The following CDC25C variants were observed in gnomAD, a reference collection of about 807,000 sequenced individuals.
The protein encoded by CDC25C is cell division cycle 25C.
Under a neutral mutation model 52.5 loss-of-function variants are expected in CDC25C, and 48 were observed. That is an observed-to-expected ratio of 0.91 (90% CI 0.72 to 1.16). The LOEUF (loss-of-function observed/expected upper bound fraction) is 1.16. Among genes scored for constraint, CDC25C ranks in the 50% most tolerant of loss-of-function variants. CDC25C has a pLI of 0.00. For synonymous variants in CDC25C, 187 were observed against 206.5 expected, an observed-to-expected ratio of 0.91 and a Z score of 0.81; for missense variants, 510 against 566.1, an observed-to-expected ratio of 0.90 and a Z score of 1.01.
chr5:138,329,859 T>C (rs539457493), intron 2 of CDC25C, among the ~76,000 whole-genome samples: 1 of 149,226 alleles, frequency 6.7e-6, no homozygotes, highest in East Asian at 2.1e-4. Flanking sequence ...GCCTCCCAAA[T>C]AGCTGGGATC....
intron 7 of CDC25C, among the ~76,000 whole-genome samples, chr5:138,302,945 T>A (rs1241593190): frequency 6.6e-6 from 1 of 150,920 alleles, no homozygotes; most frequent in South Asian, 2.1e-4. Flanking sequence ...TGTGTTTGCC[T>A]GTAGTCCCAG....
chr5:138,317,638 G>T (rs1758981321), intron 7 of CDC25C, among the ~76,000 whole-genome samples: 1 of 128,742 alleles, frequency 7.8e-6, no homozygotes, highest in South Asian at 2.7e-4. Context: ...CTTTAATTGT[G>T]CCACGTACCC....
rs888224813 is a variant in CDC25C at position 138,304,501 on chromosome 5, C to CT, written c.616-12386dup. Among the ~76,000 whole-genome samples, 327 of 142,640 alleles carry CT rather than the reference C, an allele frequency of 2.3e-3. 1 individual carries two copies. The highest frequency in any genetic ancestry group is 7.1e-3 in the Middle Eastern group (2 of 280). The allele number at this position is 142,640 out of a possible 152,430, so 93.6% of individuals were successfully genotyped here. A position where few individuals can be genotyped will look rare whatever the true frequency, so the allele number is the denominator to read the frequency against. On this transcript the variant is annotated intron_variant, in intron 7 of 13. Transcript: ENST00000323760. ...CTCCTACTCTTACCTGCTTCCAACT[C>CT]TTTTTTTTTTTTTCTCCTTTTTGAG...
rs1348466498 is a variant in CDC25C at position 138,331,126 on chromosome 5, GTCC to G, written c.52_54del (p.Gly18del). The G allele has an allele frequency of 4.3e-6, 7 of 1,613,918 alleles. No individual in the cohort carries two copies. The highest frequency in any genetic ancestry group is 5.9e-6 in the Non-Finnish European group (7 of 1,179,774). Reference sequence around the variant, plus strand: ...TTCCTTTGATTAGACCTAAAACTGGGTCCTGAGCCAGAGCTTCCTTCCTCTCTT... The same window carrying G: ...TTCCTTTGATTAGACCTAAAACTGGGTGAGCCAGAGCTTCCTTCCTCTCTT... On this transcript the variant is annotated inframe_deletion, in exon 2 of 14. Transcript: ENST00000323760.
intron 2 of CDC25C, 79 bp from the exon 3 acceptor site, chr5:138,329,726 CTTTTTT>C (rs71574413): frequency 2.4e-3 from 705 of 292,882 alleles, no homozygotes; most frequent in South Asian, 3.0e-3. Flanking sequence ...TCATCCTCTT[CTTTTTT>C]TTTTTTTTTT....
chr5:138,297,101 C>T (rs1440584552), intron 7 of CDC25C, among the ~76,000 whole-genome samples: 5 of 150,898 alleles, frequency 3.3e-5, no homozygotes, highest in African/African-American at 4.9e-5. Flanking sequence ...TTAGTAGAGA[C>T]GGGGTTTCAC....
In CDC25C at chr5:138,311,196, C is replaced by T. The variant is rs150366113; in HGVS notation, c.615+8023G>A. Among the ~76,000 whole-genome samples the T allele has an allele frequency of 8.5e-5, 13 of 152,242 alleles. No individual in the cohort carries two copies. In the East Asian group the frequency reaches 2.3e-3, roughly 27 times the overall value. ...TAGCCAACACTGCTTTGTTCTTTGT[C>T]CCAAAGAGCAAAGTTAAAGCCTTCT... is the stretch of plus-strand genomic sequence containing the variant. On this transcript the variant is annotated intron_variant, in intron 7 of 13. Coordinates refer to ENST00000323760, the MANE Select transcript of CDC25C (RefSeq NM_001790.5).
intron 4 of CDC25C, among the ~76,000 whole-genome samples, chr5:138,326,343 T>C (rs111778310): frequency 2.4e-4 from 37 of 152,192 alleles, no homozygotes; most frequent in African/African-American, 7.7e-4. Context: ...GCACAGTGTA[T>C]TGGGGCTAAT....
chr5:138,329,482 T>C (rs1760162045), intron 3 of CDC25C, 71 bp downstream of exon 3: 1 of 992,308 alleles, frequency 1.0e-6, no homozygotes, highest in Non-Finnish European at 1.6e-6. Context: ...CTTCCGTCTC[T>C]ATCCTCCTTC....
At chr5:138,300,677 AGAG>A (rs1757566327) in intron 7 of CDC25C, among the ~76,000 whole-genome samples, 1 of 152,238 alleles carries the variant, frequency 6.6e-6, no homozygotes, top group South Asian at 2.1e-4. Context: ...ACTCAAGAAT[AGAG>A]ACTATACATT....
chr5:138,291,935 A>C, intron 8 of CDC25C, 35 bp downstream of exon 8: 1 of 1,575,904 alleles, frequency 6.3e-7, no homozygotes, highest in Non-Finnish European at 8.7e-7. Context: ...ATGAGATAGA[A>C]GATGAACAAG....
chr5:138,331,619 C>A lies in CDC25C; in HGVS notation c.-63G>T. 1 of 1,010,624 alleles carries A rather than the reference C, an allele frequency of 9.9e-7. No individual in the cohort carries two copies. Among genetic ancestry groups the A allele is most frequent in the Non-Finnish European group, 1.2e-6 (1 of 844,044 alleles). 62.6% of individuals were successfully genotyped at this position (1,010,624 alleles called of 1,614,324 possible). The stretch of plus-strand genomic sequence containing the variant: ...CCTCAAGCCTGGAGTCTGAGGCTTG[C>A]CTACAAGAGGAGAGAAAGTAGATAG... On this transcript the variant is annotated 5_prime_UTR_variant, in exon 1 of 14. Transcript: ENST00000323760.
At chr5:138,290,053 CA>C (rs1036519802) in intron 9 of CDC25C, among the ~76,000 whole-genome samples, 6 of 151,770 alleles carry the variant, frequency 4.0e-5, no homozygotes, top group Admixed American at 3.9e-4. Context: ...GGCAACAGAT[CA>C]AGACCTTGAA....
At chr5:138,286,465 C>T in intron 12 of CDC25C, 32 bp downstream of exon 12, 2 of 1,585,430 alleles carry the variant, frequency 1.3e-6, no homozygotes, top group Non-Finnish European at 1.7e-6. Flanking sequence ...AATCCATTTC[C>T]ATCACCCGCC....
At chr5:138,319,091 A>G in intron 7 of CDC25C, 128 bp downstream of exon 7, 1 of 735,194 alleles carries the variant, frequency 1.4e-6, no homozygotes. Context: ...TCTGGCTATG[A>G]GGGTTGCTGG....
At chr5:138,300,656 T>C (rs1331829637) in intron 7 of CDC25C, among the ~76,000 whole-genome samples, 7 of 152,126 alleles carry the variant, frequency 4.6e-5, no homozygotes, top group Admixed American at 4.6e-4. Flanking sequence ...TTGACATACA[T>C]AGAATATTCT....
exon 1 of CDC25C, chr5:138,338,014 C>A (rs1264341601): frequency 1.6e-6 from 2 of 1,289,554 alleles, no homozygotes; most frequent in African/African-American, 3.0e-5. Flanking sequence ...TGGGGCCGTC[C>A]ACTTTCTGCG....
chr5:138,321,750 C>CAAAAAAAAA (rs531353746), intron 6 of CDC25C, among the ~76,000 whole-genome samples: 5 of 47,192 alleles, frequency 1.1e-4, no homozygotes, highest in African/African-American at 1.3e-4. Context: ...GACTCTGTCT[C>CAAAAAAAAA]AAAAAAAAAA....
At chr5:138,321,622 C>T (rs1759394694) in intron 6 of CDC25C, among the ~76,000 whole-genome samples, 1 of 151,632 alleles carries the variant, frequency 6.6e-6, no homozygotes, top group Admixed American at 6.6e-5. Context: ...TGTGGTGGTG[C>T]ACGCCTATAG....
Sources: allele counts gnomAD v4.1 joint callset (sites outside exome capture counted in the v4.1 genomes callset), GRCh38; gene constraint gnomAD v4.1.1; transcripts MANE v1.5; gene names NCBI Gene and HGNC (gene_info 2026-07-23, HGNC 2026-07-21).